The following CEP128 variants were observed in gnomAD, a reference collection of about 807,000 sequenced individuals.
CEP128 encodes centrosomal protein 128kDa.
Under a neutral mutation model 156.7 loss-of-function variants are expected in CEP128, and 132 were observed. The ratio of observed to expected loss-of-function variants is 0.84; its 90% confidence interval spans 0.73 to 0.97. CEP128 has a LOEUF of 0.97. CEP128 is among the 50% of genes least tolerant of loss of function. CEP128 has a pLI of 0.00. For missense variants in CEP128, 1,252 were observed against 1,281.9 expected, an observed-to-expected ratio of 0.98 and a Z score of 0.36; for synonymous variants, 469 against 448.9, an observed-to-expected ratio of 1.04 and a Z score of -0.57.
At chr14:80,655,195 C>T (rs1252983887) in intron 19 of CEP128, among the ~76,000 whole-genome samples, 1 of 152,172 alleles carries the variant, frequency 6.6e-6, no homozygotes, top group Non-Finnish European at 1.5e-5. Context: ...GGATACAAGA[C>T]ATTATACAGT....
At chr14:80,568,331 T>C (rs1419672712) in intron 20 of CEP128, among the ~76,000 whole-genome samples, 1 of 152,232 alleles carries the variant, frequency 6.6e-6, no homozygotes, top group Non-Finnish European at 1.5e-5. Context: ...TTAACTATCA[T>C]GCATGTCACA....
At chr14:80,956,755 T>G (rs1428894483) in intron 2 of CEP128, among the ~76,000 whole-genome samples, 2 of 152,188 alleles carry the variant, frequency 1.3e-5, no homozygotes, top group Admixed American at 1.3e-4. Context: ...CTCTAGATTT[T>G]CTCAAGAATT....
chr14:80,720,112 G>C (rs1897759391), intron 19 of CEP128, among the ~76,000 whole-genome samples: 1 of 151,668 alleles, frequency 6.6e-6, no homozygotes, highest in African/African-American at 2.4e-5. Context: ...GGGGCTACAG[G>C]GTAAACGAGA....
chr14:80,834,420 A>C (rs1274596581), intron 12 of CEP128, among the ~76,000 whole-genome samples: 1 of 152,224 alleles, frequency 6.6e-6, no homozygotes, highest in African/African-American at 2.4e-5. Flanking sequence ...CAATTTTACA[A>C]ATACAGGTGG....
Position 80,497,189 on chromosome 14 carries a change from G to A in CEP128, c.*290C>T. The A allele has an allele frequency of 4.9e-6, 1 of 202,788 alleles. No individual in the cohort carries two copies. The allele number at this position is 202,788 out of a possible 1,614,324, so 12.6% of individuals were successfully genotyped here. A position where few individuals can be genotyped will look rare whatever the true frequency, so the allele number is the denominator to read the frequency against. ...ATCCAAATTTTGGTTGGGAAAATGT[G>A]ACTGACCACACTTGAAAAAGGAAAA... On this transcript the variant is annotated 3_prime_UTR_variant, in exon 25 of 25. Transcript: ENST00000555265.
chr14:80,923,222 AAAT>A (rs1311594341), intron 2 of CEP128, among the ~76,000 whole-genome samples: 1 of 152,240 alleles, frequency 6.6e-6, no homozygotes, highest in Non-Finnish European at 1.5e-5. Flanking sequence ...CCACCAGAGC[AAAT>A]AACAAATCCT....
intron 19 of CEP128, among the ~76,000 whole-genome samples, chr14:80,722,379 G>A (rs996918981): frequency 1.3e-5 from 2 of 152,022 alleles, no homozygotes; most frequent in Non-Finnish European, 2.9e-5. Context: ...TAAATATTGT[G>A]AGACCCCATT....
rs879290914 is a variant in CEP128, at chr14:80,790,576, GT to G, written c.1560+2183del. Among the ~76,000 whole-genome samples, 80 of 148,286 alleles carry G rather than the reference GT, an allele frequency of 5.4e-4. 1 individual carries two copies. The highest frequency in any genetic ancestry group is 1.4e-3 in the African/African-American group (55 of 40,446). On this transcript the variant is annotated intron_variant, in intron 14 of 24. Coordinates refer to ENST00000555265, the MANE Select transcript of CEP128 (RefSeq NM_152446.5). ...AAAGTGTACAATTTGATCCATCTGG[GT>G]TTTTTTTTTCCCCTGCAGTGATACG...
At position 80,593,562 on chromosome 14, in the gene CEP128, A is replaced by G. The variant is rs551821005; in HGVS notation, c.2807-13139T>C. Among the ~76,000 whole-genome samples the G allele has an allele frequency of 1.0e-3, 155 of 150,904 alleles. 1 individual carries two copies. Among genetic ancestry groups the G allele is most frequent in the African/African-American group, 3.7e-3 (152 of 41,234 alleles). Reference sequence around the variant, plus strand: ...ACTCCATCTCAAAAAAAAAAAAAAAAAAAGAAAACCCCATCTTCTCAGCCC... The same window carrying G: ...ACTCCATCTCAAAAAAAAAAAAAAAGAAAGAAAACCCCATCTTCTCAGCCC... On this transcript the variant is annotated intron_variant, in intron 19 of 24. Coordinates refer to ENST00000555265, the MANE Select transcript of CEP128 (RefSeq NM_152446.5).
chr14:80,522,664 A>T (rs1309889597), intron 23 of CEP128, among the ~76,000 whole-genome samples: 1 of 152,218 alleles, frequency 6.6e-6, no homozygotes, highest in African/African-American at 2.4e-5. Flanking sequence ...GATGTCTTGG[A>T]CAAAACCATG....
intron 23 of CEP128, among the ~76,000 whole-genome samples, chr14:80,508,451 AT>A (rs913927018): frequency 3.9e-4 from 59 of 152,080 alleles, no homozygotes; most frequent in Admixed American, 3.3e-3. Flanking sequence ...TTCGTTTCCT[AT>A]TTTTTCATGG....
chr14:80,745,319 TATAGAACTGTGTGTCAATTAAA>T (rs1899043182), intron 18 of CEP128, among the ~76,000 whole-genome samples: 1 of 152,184 alleles, frequency 6.6e-6, no homozygotes, highest in Non-Finnish European at 1.5e-5. Context: ...CTGCACAGCC[TATAGAACTGTGTGTCAATTAAA>T]CCTCTTTTCT....
chr14:80,735,619 T>C (rs1244241671), intron 19 of CEP128, among the ~76,000 whole-genome samples: 1 of 152,222 alleles, frequency 6.6e-6, no homozygotes, highest in African/African-American at 2.4e-5. Flanking sequence ...TTTTCATAGA[T>C]GCTGTAACAA....
At chr14:80,875,249 G>A (rs563812678) in intron 8 of CEP128, among the ~76,000 whole-genome samples, 2 of 152,320 alleles carry the variant, frequency 1.3e-5, no homozygotes, top group South Asian at 2.1e-4. Context: ...TTAAGACCCA[G>A]TACCAAAGTT....
chr14:80,530,546 T>A (rs1419350389), intron 22 of CEP128, among the ~76,000 whole-genome samples: 4 of 152,206 alleles, frequency 2.6e-5, no homozygotes, highest in Non-Finnish European at 5.9e-5. Flanking sequence ...TTCTAAATTA[T>A]CATTAAAGTT....
chr14:80,740,755 C>T lies in CEP128; in HGVS notation c.2806+2320G>A, dbSNP rs143348174. 2.5e-4 allele frequency among the ~76,000 whole-genome samples: 38 copies of T among 152,274 alleles called. 1 individual carries two copies. In the East Asian group the frequency reaches 7.1e-3, roughly 29 times the overall value. On this transcript the variant is annotated intron_variant, in intron 19 of 24. Coordinates refer to ENST00000555265, the MANE Select transcript of CEP128 (RefSeq NM_152446.5). ...CTATTCAGAAAAGATAACTCCCTAA[C>T]AAAGAAACTTTGACAATGGCTTATT...
At chr14:80,503,065 A>C (rs771758634) in intron 24 of CEP128, among the ~76,000 whole-genome samples, 17 of 152,266 alleles carry the variant, frequency 1.1e-4, no homozygotes, top group Non-Finnish European at 1.6e-4. Flanking sequence ...AAATATGGGG[A>C]TAGGTCTGGG....
intron 16 of CEP128, among the ~76,000 whole-genome samples, chr14:80,763,497 GC>G (rs1900071931): frequency 6.6e-6 from 1 of 152,038 alleles, no homozygotes; most frequent in South Asian, 2.1e-4. Context: ...GGTGATATTT[GC>G]CTCCCTACTG....
At position 80,711,441 on chromosome 14, in the gene CEP128, C is replaced by T. The variant is rs146835687; in HGVS notation, c.2806+31634G>A. On this transcript the variant is annotated intron_variant, in intron 19 of 24. Coordinates refer to ENST00000555265, the MANE Select transcript of CEP128 (RefSeq NM_152446.5). ...CTTTCAAACATACATAAGAAAGAGG[C>T]TAGCTTATAAGAGATAATATATGTA... 1.1e-4 allele frequency among the ~76,000 whole-genome samples: 17 copies of T among 151,964 alleles called. 1 individual carries two copies. The South Asian group carries it at 2.9e-3, about 26-fold the overall frequency.
Sources: gnomAD v4.1 joint callset for allele counts (sites outside exome capture counted in the v4.1 genomes callset) on GRCh38, gnomAD v4.1.1 for gene constraint, MANE v1.5 for transcripts, NCBI Gene and HGNC (gene_info 2026-07-23, HGNC 2026-07-21) for gene names.